ZNF736: variants seen among roughly 807,000 people sequenced by gnomAD.
ZNF736 encodes the protein KRAB-containing zinc-finger repressor protein.
ZNF736 carries 6 observed loss-of-function variants against 11.7 expected under a neutral mutation model. The observed-to-expected ratio is 0.51, with a 90% confidence interval of 0.28 to 1.01. The LOEUF (loss-of-function observed/expected upper bound fraction) is 1.01. Among genes scored for constraint, ZNF736 ranks in the 50% least tolerant of loss-of-function variants. ZNF736 has a pLI of 0.09. For missense variants in ZNF736, 444 were observed against 496.0 expected, an observed-to-expected ratio of 0.90 and a Z score of 1.00; for synonymous variants, 139 against 164.7, an observed-to-expected ratio of 0.84 and a Z score of 1.19.
chr7:64,338,488 C>A (rs1789291011), intron 3 of ZNF736, among the ~76,000 whole-genome samples: 1 of 152,114 alleles, frequency 6.6e-6, no homozygotes, highest in Admixed American at 6.5e-5. Flanking sequence ...ACCATTTGAA[C>A]AACATACTCC....
At chr7:64,327,671 G>T (rs908383384) in intron 1 of ZNF736, among the ~76,000 whole-genome samples, 1 of 151,904 alleles carries the variant, frequency 6.6e-6, no homozygotes, top group African/African-American at 2.4e-5. Flanking sequence ...CTAGTGGTAC[G>T]TTTTAATTTT....
Position 64,351,547 on chromosome 7 carries a change from C to G in ZNF736, c.*2400C>G, listed in dbSNP as rs1374597826. On this transcript the variant is annotated 3_prime_UTR_variant, in exon 4 of 4. Coordinates refer to ENST00000423484, the MANE Select transcript of ZNF736 (RefSeq NM_001170905.3). ...GGCCAGACTGGGTCCCTGGGAGAGG[C>G]CAGCAGACCAAGGAGTGCTCAGTTG... The G allele has an allele frequency of 6.6e-6, 1 of 152,274 alleles. No homozygotes were observed. Among genetic ancestry groups the G allele is most frequent in the Non-Finnish European group, 1.5e-5 (1 of 68,128 alleles). 9.4% of individuals were successfully genotyped at this position (152,274 alleles called of 1,614,324 possible).
chr7:64,326,828 A>G (rs1362346378), intron 1 of ZNF736, among the ~76,000 whole-genome samples: 3 of 152,018 alleles, frequency 2.0e-5, no homozygotes, highest in African/African-American at 7.2e-5. Flanking sequence ...AGCATATTTT[A>G]ATTTCTCTGT....
Position 64,356,083 on chromosome 7 carries a change from A to G in ZNF736, c.*6936A>G, listed in dbSNP as rs991001773. ...TGGGTGATTTTTTAAAGTAATATAA[A>G]TAATAGGTTTGTTCTGTATATTTTA... On this transcript the variant is annotated 3_prime_UTR_variant, in exon 4 of 4. Transcript: ENST00000423484. The G allele has an allele frequency of 1.9e-5, 3 of 155,290 alleles. No homozygotes were observed. Among genetic ancestry groups the G allele is most frequent in the Non-Finnish European group, 2.9e-5 (2 of 68,914 alleles). 9.6% of individuals were successfully genotyped at this position (155,290 alleles called of 1,614,324 possible).
Position 64,355,850 on chromosome 7 carries a change from G to T in ZNF736, c.*6703G>T. 2 of 177,918 alleles carry T rather than the reference G, an allele frequency of 1.1e-5. No individual in the cohort carries two copies. The highest frequency in any genetic ancestry group is 2.7e-4 in the South Asian group (2 of 7,506). 11.0% of individuals were successfully genotyped at this position (177,918 alleles called of 1,614,324 possible). ...GTAGTTCTGACAGACATTACTGGAA[G>T]GTAGAGGTGGGAAACAAGCCTAAAT... On this transcript the variant is annotated 3_prime_UTR_variant, in exon 4 of 4. Coordinates refer to ENST00000423484, the MANE Select transcript of ZNF736 (RefSeq NM_001170905.3).
intron 3 of ZNF736, among the ~76,000 whole-genome samples, chr7:64,340,187 T>G (rs1425507282): frequency 5.3e-5 from 8 of 152,190 alleles, no homozygotes; most frequent in Admixed American, 5.2e-4. Context: ...TTTCCCCAAG[T>G]AACTCTTTGA....
intron 1 of ZNF736, among the ~76,000 whole-genome samples, chr7:64,323,168 T>C (rs1214038992): frequency 6.6e-6 from 1 of 152,234 alleles, no homozygotes; most frequent in African/African-American, 2.4e-5. Context: ...CCTCGAAACA[T>C]GTAAATTCTG....
At chr7:64,340,991 C>G (rs993527388) in intron 3 of ZNF736, among the ~76,000 whole-genome samples, 5 of 151,078 alleles carry the variant, frequency 3.3e-5, no homozygotes, top group Admixed American at 6.6e-5. Flanking sequence ...TTAATCATAT[C>G]TAATAAATTA....
In ZNF736 at chr7:64,319,331, GTGTATATATATATATATA is replaced by G. The variant is rs1480033527; in HGVS notation, c.3+5180_3+5197del. Among the ~76,000 whole-genome samples, 39 of 75,522 alleles carry G rather than the reference GTGTATATATATATATATA, an allele frequency of 5.2e-4. 1 individual carries two copies. The highest frequency in any genetic ancestry group is 7.2e-4 in the African/African-American group (15 of 20,892). The allele number at this position is 75,522 out of a possible 152,430, so 49.5% of individuals were successfully genotyped here. ...TGTATATGTATGTGTGTGTGTGTAT[GTGTATATATATATATATA>G]TATATATATATATATATATATATAT... On this transcript the variant is annotated intron_variant, in intron 1 of 3. Coordinates refer to ENST00000423484, the MANE Select transcript of ZNF736 (RefSeq NM_001170905.3).
At chr7:64,314,275 C>T in intron 1 of ZNF736, 122 bp downstream of exon 1, 3 of 1,277,708 alleles carry the variant, frequency 2.3e-6, no homozygotes, top group South Asian at 3.0e-5. Context: ...CCCCGAGTCC[C>T]CGCGGGCACA....
At chr7:64,336,442 T>G in intron 2 of ZNF736, 57 bp downstream of exon 2, 1 of 1,476,078 alleles carries the variant, frequency 6.8e-7, no homozygotes, top group Non-Finnish European at 9.0e-7. Context: ...TATTTTCTTC[T>G]GATTTTTTTG....
intron 1 of ZNF736, among the ~76,000 whole-genome samples, chr7:64,320,288 C>T (rs60807876): frequency 0.05 from 7,572 of 152,136 alleles, 634 homozygotes; most frequent in African/African-American, 0.17. Context: ...TTACCATCTA[C>T]CCACAAAGGC....
chr7:64,339,279 G>T (rs541068833), intron 3 of ZNF736, among the ~76,000 whole-genome samples: 1 of 152,154 alleles, frequency 6.6e-6, no homozygotes, highest in African/African-American at 2.4e-5. Context: ...TTCTACAGAA[G>T]TGTTTTAGTT....
intron 3 of ZNF736, among the ~76,000 whole-genome samples, chr7:64,337,755 GGTTTTT>G (rs1562673577): frequency 2.9e-4 from 25 of 86,240 alleles, no homozygotes; most frequent in African/African-American, 5.8e-4. Context: ...TGTTTTTTTT[GGTTTTT>G]TTTTTTTTTT....
intron 1 of ZNF736, 106 bp from the exon 2 acceptor site, chr7:64,336,153 C>T: frequency 7.8e-7 from 1 of 1,286,372 alleles, no homozygotes; most frequent in South Asian, 1.4e-5. Flanking sequence ...TGGATAACTC[C>T]AGTAACTCAT....
chr7:64,332,254 T>C (rs1247349234), intron 1 of ZNF736, among the ~76,000 whole-genome samples: 1 of 152,140 alleles, frequency 6.6e-6, no homozygotes, highest in Non-Finnish European at 1.5e-5. Flanking sequence ...TTTCCATAAG[T>C]GTCGGCCGGC....
intron 1 of ZNF736, among the ~76,000 whole-genome samples, chr7:64,319,494 T>TC (rs1788972949): frequency 1.7e-5 from 2 of 118,234 alleles, no homozygotes; most frequent in African/African-American, 6.1e-5. Flanking sequence ...CTTCCCTTTT[T>TC]TTTTTTTTTT....
At chr7:64,347,178 T>A (rs565843818) in intron 3 of ZNF736, among the ~76,000 whole-genome samples, 1 of 151,832 alleles carries the variant, frequency 6.6e-6, no homozygotes, top group East Asian at 1.9e-4. Flanking sequence ...ATGGATGTTT[T>A]CTCTGAGCTT....
At position 64,348,948 on chromosome 7, in the gene ZNF736, T is replaced by C; in HGVS notation, c.1085T>C (p.Ile362Thr). The part of the protein sequence containing the change: ...RSSTLFNHKR[I>T]HMEERPYKCE... Reference sequence around the variant, plus strand: ...TCAACCCTTTTTAACCACAAGAGAATTCATATGGAAGAGAGACCTTACAAA... The same window carrying C: ...TCAACCCTTTTTAACCACAAGAGAACTCATATGGAAGAGAGACCTTACAAA... Residue 362 changes from isoleucine (I) to threonine (T), a missense_variant, in exon 4 of 4, where the codon ATT (isoleucine) becomes ACT (threonine). Transcript: ENST00000423484. 1 of 1,595,070 alleles carries C rather than the reference T, an allele frequency of 6.3e-7. No homozygotes were observed. The highest frequency in any genetic ancestry group is 1.1e-5 in the South Asian group (1 of 88,900).
Sources: gnomAD v4.1 joint callset for allele counts (sites outside exome capture counted in the v4.1 genomes callset) on GRCh38, gnomAD v4.1.1 for gene constraint, MANE v1.5 for transcripts, NCBI Gene and HGNC (gene_info 2026-07-23, HGNC 2026-07-21) for gene names.